Variants in ALKBH3 observed in about 807,000 individuals in gnomAD.
ALKBH3 encodes alkB homolog 3, alpha-ketoglutarate dependent dioxygenase, also known as alpha-ketoglutarate-dependent dioxygenase alkB homolog 3.
A neutral mutation model predicts 43.9 loss-of-function variants in ALKBH3; 51 were observed. That is an observed-to-expected ratio of 1.16 (90% CI 0.93 to 1.47). The LOEUF (loss-of-function observed/expected upper bound fraction) is 1.47, where lower values mean the gene tolerates loss of function less well. Among genes scored for constraint, ALKBH3 ranks in the 40% most tolerant of loss-of-function variants. The probability of loss-of-function intolerance (pLI) is 0.00; values close to 1 mark genes in which losing one functional copy is unlikely to be tolerated. For synonymous variants in ALKBH3, 102 were observed against 115.2 expected, an observed-to-expected ratio of 0.89 and a Z score of 0.73; for missense variants, 361 against 351.9, an observed-to-expected ratio of 1.03 and a Z score of -0.21.
At chr11:43,886,803 G>A (rs1278757630) in intron 5 of ALKBH3, 150 bp downstream of exon 5, 1 of 800,814 alleles carries the variant, frequency 1.2e-6, no homozygotes, top group Non-Finnish European at 2.0e-6. Context: ...GTCCTTTGCG[G>A]GAACATGGAT....
intron 7 of ALKBH3, chr11:43,899,003 C>A: frequency 1.3e-6 from 1 of 753,818 alleles, no homozygotes; most frequent in South Asian, 1.4e-5. Context: ...CCATCTACCA[C>A]TCTGCAAGCA....
At chr11:43,884,729 AG>A (rs1399027287) in intron 4 of ALKBH3, among the ~76,000 whole-genome samples, 1 of 152,142 alleles carries the variant, frequency 6.6e-6, no homozygotes, top group Non-Finnish European at 1.5e-5. Flanking sequence ...AAAAAGTCGC[AG>A]GCTAATAGTC....
intron 2 of ALKBH3, 84 bp from the exon 3 acceptor site, chr11:43,883,001 G>C: frequency 9.2e-7 from 1 of 1,087,004 alleles, no homozygotes; most frequent in Non-Finnish European, 1.4e-6. Flanking sequence ...TCATCTCCAA[G>C]TGGGCTTTAT....
At chr11:43,896,923 AT>A (rs562252373) in intron 7 of ALKBH3, among the ~76,000 whole-genome samples, 3 of 151,212 alleles carry the variant, frequency 2.0e-5, no homozygotes, top group African/African-American at 4.9e-5. Context: ...TGGCTTTATT[AT>A]TTTTTTTTAT....
At chr11:43,911,602 G>A (rs564427537) in intron 8 of ALKBH3, among the ~76,000 whole-genome samples, 10 of 150,694 alleles carry the variant, frequency 6.6e-5, no homozygotes, top group African/African-American at 2.2e-4. Context: ...AGTGCTGACT[G>A]TGCCTGGCTC....
At chr11:43,909,633 G>C (rs1000611439) in intron 8 of ALKBH3, 5 of 152,232 alleles carry the variant, frequency 3.3e-5, no homozygotes, top group Admixed American at 2.6e-4. Flanking sequence ...GTAAGTAGCT[G>C]TAACACAGGC....
At chr11:43,883,006 C>A in intron 2 of ALKBH3, 79 bp from the exon 3 acceptor site, 1 of 1,157,100 alleles carries the variant, frequency 8.6e-7, no homozygotes, top group Non-Finnish European at 1.3e-6. Context: ...TCCAAGTGGG[C>A]TTTATTGGCC....
At chr11:43,882,925 C>A in intron 2 of ALKBH3, 160 bp from the exon 3 acceptor site, 1 of 812,868 alleles carries the variant, frequency 1.2e-6, no homozygotes, top group Non-Finnish European at 1.9e-6. Context: ...CATATTTAGT[C>A]CACACCCTCA....
At chr11:43,908,421 T>A (rs1323209146) in intron 8 of ALKBH3, among the ~76,000 whole-genome samples, 6 of 152,242 alleles carry the variant, frequency 3.9e-5, no homozygotes, top group Non-Finnish European at 8.8e-5. Context: ...CTTGCACTTC[T>A]GCTAGTGACT....
At chr11:43,899,117 C>T (rs892556016) in intron 7 of ALKBH3, 44 of 771,414 alleles carry the variant, frequency 5.7e-5, no homozygotes, top group Admixed American at 1.6e-4. Context: ...TCTTTAACAT[C>T]TATCACTCCA....
intron 5 of ALKBH3, among the ~76,000 whole-genome samples, chr11:43,889,120 C>T (rs199995110): frequency 2.6e-5 from 4 of 152,156 alleles, no homozygotes; most frequent in African/African-American, 4.8e-5. Flanking sequence ...CCTCCACCCC[C>T]GGGTTCAAGC....
chr11:43,911,173 G>A (rs1951935698), intron 8 of ALKBH3, among the ~76,000 whole-genome samples: 2 of 152,382 alleles, frequency 1.3e-5, no homozygotes, highest in South Asian at 4.1e-4. Flanking sequence ...TAAAAGAGTA[G>A]GTGGTTGTAG....
At chr11:43,898,311 C>A in intron 7 of ALKBH3, 1 of 722,856 alleles carries the variant, frequency 1.4e-6, no homozygotes, top group Non-Finnish European at 2.5e-6. Flanking sequence ...TTGACAAAGC[C>A]AGAGAGATCA....
chr11:43,887,936 G>A (rs181281181), intron 5 of ALKBH3, among the ~76,000 whole-genome samples: 1,902 of 151,282 alleles, frequency 0.013, 13 homozygotes, highest in Non-Finnish European at 0.02. Context: ...CTACAGGCAC[G>A]TGCCACCATG....
intron 1 of ALKBH3, among the ~76,000 whole-genome samples, chr11:43,882,313 T>G: frequency 6.6e-6 from 1 of 152,204 alleles, no homozygotes; most frequent in East Asian, 1.9e-4. Flanking sequence ...GGAATGTGGT[T>G]TATAATAGGT....
chr11:43,916,569 T>C (rs1396699123), intron 8 of ALKBH3: 1 of 152,078 alleles, frequency 6.6e-6, no homozygotes, highest in Non-Finnish European at 1.5e-5. Context: ...TTGTTTTGTT[T>C]TGAAGAAAAC....
chr11:43,919,571 T>C (rs1165382943), intron 9 of ALKBH3: 1 of 297,658 alleles, frequency 3.4e-6, no homozygotes, highest in Non-Finnish European at 6.3e-6. Context: ...CACATGTTAA[T>C]GTCAAAACAC....
intron 8 of ALKBH3, among the ~76,000 whole-genome samples, chr11:43,902,574 G>A (rs995996951): frequency 6.6e-6 from 1 of 152,130 alleles, no homozygotes; most frequent in African/African-American, 2.4e-5. Flanking sequence ...CGGTGTGGAA[G>A]GCCAACCAAC....
chr11:43,883,133 A>G lies in ALKBH3; in HGVS notation c.128A>G (p.Lys43Arg). The stretch of plus-strand genomic sequence containing the variant: ...CACCAGAAGCCTGGCCAGACCTGGA[A>G]GAACAAAGAGCATCATCTCTCTGAC... ...HLHQKPGQTW[K>R]NKEHHLSDRE... The change falls in exon 3 of 10, where the codon AAG (lysine) becomes AGG (arginine). Residue 43 changes from lysine (K) to arginine (R), a missense_variant. Lys to Arg is a conservative substitution (Grantham distance 26). Transcript: ENST00000302708. 3.7e-6 allele frequency: 6 copies of G among 1,614,142 alleles called. No homozygotes were observed. Among genetic ancestry groups the G allele is most frequent in the South Asian group, 1.1e-5 (1 of 91,048 alleles).
Sources: gnomAD v4.1 joint callset for allele counts (sites outside exome capture counted in the v4.1 genomes callset) on GRCh38, gnomAD v4.1.1 for gene constraint, MANE v1.5 for transcripts, NCBI Gene and HGNC (gene_info 2026-07-23, HGNC 2026-07-21) for gene names.